SMG7: variants seen among roughly 807,000 people sequenced by gnomAD.
The protein encoded by SMG7 is SMG7 nonsense mediated mRNA decay factor.
Under a neutral mutation model 148.2 loss-of-function variants are expected in SMG7, and 34 were observed. The observed-to-expected ratio is 0.23, with a 90% CI of 0.17 to 0.31. The LOEUF is 0.31. Ranked by LOEUF, SMG7 falls within the 10% of genes least tolerant of loss-of-function variation. SMG7 has a pLI of 1.00. For missense variants in SMG7, 1,114 were observed against 1,408.4 expected (o/e 0.79, Z 3.35); for synonymous variants, 492 against 515.1 (o/e 0.96, Z 0.61).
intron 8 of SMG7, among the ~76,000 whole-genome samples, chr1:183,532,462 T>G (rs1278954723): frequency 6.6e-6 from 1 of 152,202 alleles, no homozygotes; most frequent in Non-Finnish European, 1.5e-5. Flanking sequence ...GGGTGATTTT[T>G]TATAGTGCTG....
chr1:183,478,499 A>G (rs1173141954), intron 1 of SMG7, among the ~76,000 whole-genome samples: 3 of 152,236 alleles, frequency 2.0e-5, no homozygotes, highest in East Asian at 3.9e-4. Context: ...TTCAAAATGT[A>G]TACTTCCTGT....
intron 5 of SMG7, among the ~76,000 whole-genome samples, 162 bp downstream of exon 5, chr1:183,526,929 A>G (rs1665984189): frequency 6.6e-6 from 1 of 152,240 alleles, no homozygotes; most frequent in Non-Finnish European, 1.5e-5. Context: ...ATTTCTCAAT[A>G]TTTTTGGGAT....
chr1:183,494,852 G>A (rs967690770), intron 1 of SMG7, among the ~76,000 whole-genome samples: 1 of 126,242 alleles, frequency 7.9e-6, no homozygotes, highest in Admixed American at 8.9e-5. Context: ...CCACAACCTT[G>A]GGTGTCTCGC....
At chr1:183,532,048 T>C (rs1407580494) in intron 8 of SMG7, among the ~76,000 whole-genome samples, 2 of 152,150 alleles carry the variant, frequency 1.3e-5, no homozygotes, top group South Asian at 2.1e-4. Context: ...AAAGAGTTCA[T>C]GTAGAATGGA....
chr1:183,537,107 C>A (rs372628139), intron 10 of SMG7, 38 bp from the exon 11 acceptor site: 3 of 1,454,230 alleles, frequency 2.1e-6, no homozygotes, highest in Non-Finnish European at 2.9e-6. Context: ...GTTTCTCTTA[C>A]ATAAAAATAA....
intron 2 of SMG7, among the ~76,000 whole-genome samples, chr1:183,514,216 CAAA>C (rs36125833): frequency 5.0e-5 from 5 of 99,146 alleles, no homozygotes; most frequent in South Asian, 3.5e-4. Context: ...GTGAAATTCA[CAAA>C]AAAAAAAAAA....
At chr1:183,502,455 A>ACAGAG in intron 1 of SMG7, 3 of 1,306,334 alleles carry the variant, frequency 2.3e-6, no homozygotes, top group Non-Finnish European at 3.1e-6. Flanking sequence ...TGTATTATTC[A>ACAGAG]TACTCTGTGA....
rs769982831 is a variant in SMG7, at chr1:183,553,003, G to A, written c.*1072G>A. On this transcript the variant is annotated 3_prime_UTR_variant, in exon 23 of 23. Coordinates refer to ENST00000688051, the MANE Select transcript of SMG7 (RefSeq NM_001375584.1). Reference sequence around the variant, plus strand: ...AGCAACAGCATGGGGTCCAGCAGTTGGGGCCCAAAAGACAGTCTGAAGAGG... The same window carrying A: ...AGCAACAGCATGGGGTCCAGCAGTTAGGGCCCAAAAGACAGTCTGAAGAGG... 1.5e-4 allele frequency: 238 copies of A among 1,536,264 alleles called. No individual in the cohort carries two copies. The highest frequency in any genetic ancestry group is 1.1e-5 in the Non-Finnish European group (13 of 1,146,918).
At chr1:183,529,610 T>A in intron 8 of SMG7, 77 bp downstream of exon 8, 1 of 1,186,508 alleles carries the variant, frequency 8.4e-7, no homozygotes, top group South Asian at 1.4e-5. Context: ...TGACTCCCAG[T>A]TTTTGTAGTT....
chr1:183,530,980 T>C (rs1043529285), intron 8 of SMG7, among the ~76,000 whole-genome samples: 18 of 152,112 alleles, frequency 1.2e-4, no homozygotes, highest in African/African-American at 4.3e-4. Context: ...CATATATATT[T>C]CTGTATGTGA....
At position 183,529,351 on chromosome 1, in the gene SMG7, GC is replaced by G. The variant is rs760433229; in HGVS notation, c.708-45del. On this transcript the variant is annotated intron_variant, in intron 7 of 22. Transcript: ENST00000688051. The stretch of plus-strand genomic sequence containing the variant: ...GCCAGTGCCTCCTTAAACAGTTGTA[GC>G]CAATTTGCTGCTTATGATTCATGGA... 14 of 1,598,506 alleles carry G rather than the reference GC, an allele frequency of 8.8e-6. No individual in the cohort carries two copies. In the East Asian group the frequency reaches 2.7e-4, roughly 31 times the overall value.
chr1:183,526,627 T>C lies in SMG7; in HGVS notation c.344T>C (p.Val115Ala). 6.2e-7 allele frequency: 1 copy of C among 1,613,266 alleles called. No individual in the cohort carries two copies. The highest frequency in any genetic ancestry group is 8.5e-7 in the Non-Finnish European group (1 of 1,179,426). The change falls in exon 5 of 23, where the codon GTA (valine) becomes GCA (alanine). Residue 115 changes from valine to alanine, a missense_variant. Coordinates refer to ENST00000688051, the MANE Select transcript of SMG7 (RefSeq NM_001375584.1). ...LLQELCTVFN[V>A]DLPCRVKSSQ... is the part of the protein sequence containing the mutation. ...CAAGAACTGTGTACAGTATTTAATG[T>C]AGATTTACCATGCCGTGTGAAGTCT... is the stretch of plus-strand genomic sequence containing the variant.
At chr1:183,508,027 T>C (rs1188549223) in intron 1 of SMG7, 2 of 213,130 alleles carry the variant, frequency 9.4e-6, no homozygotes, top group East Asian at 3.7e-4. Flanking sequence ...TTTTCATTAA[T>C]TCCTTCAGCT....
intron 8 of SMG7, 69 bp downstream of exon 8, chr1:183,529,602 A>AGTCAGTTTC: frequency 7.6e-7 from 1 of 1,320,608 alleles, no homozygotes; most frequent in Non-Finnish European, 1.1e-6. Flanking sequence ...GAGGAAACTG[A>AGTCAGTTTC]CTCCCAGTTT....
chr1:183,476,879 A>AT (rs1245340118), intron 1 of SMG7, among the ~76,000 whole-genome samples: 1 of 152,242 alleles, frequency 6.6e-6, no homozygotes, highest in East Asian at 1.9e-4. Context: ...AGAATGAAAG[A>AT]TTTTAAAAGA....
Position 183,529,055 on chromosome 1 carries a change from G to C in SMG7, c.707+13G>C, listed in dbSNP as rs751116105. The C allele has an allele frequency of 1.5e-5, 24 of 1,583,626 alleles. No individual in the cohort carries two copies. Among genetic ancestry groups the C allele is most frequent in the Non-Finnish European group, 2.1e-5 (24 of 1,170,220 alleles). On this transcript the variant is annotated intron_variant, in intron 7 of 22. Coordinates refer to ENST00000688051, the MANE Select transcript of SMG7 (RefSeq NM_001375584.1). ...AAGCACTGGAAAGGTAGGGTTGTTT[G>C]GTTTTTTTTTTCTCTTTCCAAGAGG...
At chr1:183,509,520 A>T (rs1661675203) in intron 1 of SMG7, among the ~76,000 whole-genome samples, 1 of 152,190 alleles carries the variant, frequency 6.6e-6, no homozygotes, top group Middle Eastern at 3.2e-3. Flanking sequence ...CATTTATAAA[A>T]CAGGAATAAG....
chr1:183,492,047 T>C (rs986350632), intron 1 of SMG7, among the ~76,000 whole-genome samples: 1 of 152,238 alleles, frequency 6.6e-6, no homozygotes, highest in Admixed American at 6.5e-5. Context: ...GCATCACCTC[T>C]TAATACTGTT....
At chr1:183,475,645 T>C (rs759625687) in intron 1 of SMG7, among the ~76,000 whole-genome samples, 5 of 152,202 alleles carry the variant, frequency 3.3e-5, no homozygotes, top group Non-Finnish European at 7.3e-5. Context: ...TTCTTTTCCT[T>C]ACAAAAGATT....
Sources: gnomAD v4.1 joint callset for allele counts (sites outside exome capture counted in the v4.1 genomes callset) on GRCh38, gnomAD v4.1.1 for gene constraint, MANE v1.5 for transcripts, NCBI Gene and HGNC (gene_info 2026-07-23, HGNC 2026-07-21) for gene names.